The following CACNA1C variants were observed in gnomAD, a reference collection of about 807,000 sequenced individuals.
CACNA1C encodes the protein calcium voltage-gated channel subunit alpha1 C.
Under a neutral mutation model 229.0 loss-of-function variants are expected in CACNA1C, and 30 were observed. The observed-to-expected ratio is 0.13, with a 90% CI of 0.10 to 0.18. The LOEUF is 0.18. Among genes scored for constraint, CACNA1C ranks in the 10% least tolerant of loss-of-function variants. The probability of loss-of-function intolerance (pLI) is 1.00; values close to 1 mark genes in which losing one functional copy is unlikely to be tolerated. For missense variants in CACNA1C, 1,658 were observed against 2,845.0 expected, an observed-to-expected ratio of 0.58 and a Z score of 9.49; for synonymous variants, 1,114 against 1,132.5, an observed-to-expected ratio of 0.98 and a Z score of 0.33.
chr12:1,977,953 T>C (rs2034938369), intron 1 of CACNA1C, among the ~76,000 whole-genome samples: 1 of 152,228 alleles, frequency 6.6e-6, no homozygotes, highest in Non-Finnish European at 1.5e-5. Context: ...TTTTAAACTG[T>C]ATTGTTTTTA....
At chr12:2,474,971 A>G (rs542711406) in intron 5 of CACNA1C, among the ~76,000 whole-genome samples, 3 of 152,282 alleles carry the variant, frequency 2.0e-5, no homozygotes, top group African/African-American at 4.8e-5. Context: ...AACATCATCA[A>G]CATTTTCAAA....
intron 3 of CACNA1C, among the ~76,000 whole-genome samples, chr12:2,269,024 C>T (rs1601536261): frequency 6.6e-6 from 1 of 152,186 alleles, no homozygotes; most frequent in East Asian, 1.9e-4. Flanking sequence ...TGCCCACTGT[C>T]CTGCCCTGGC....
Position 2,191,727 on chromosome 12 carries a change from C to T in CACNA1C, c.477+71297C>T, listed in dbSNP as rs188845399. ...ACACATGGTCTCATACAGGCACACA[C>T]GTACACACAGGCACACACATGCACT... On this transcript the variant is annotated intron_variant, in intron 3 of 46. Transcript: ENST00000399655. 2.3e-3 allele frequency among the ~76,000 whole-genome samples: 344 copies of T among 151,724 alleles called. 2 individuals are homozygous for T. The highest frequency in any genetic ancestry group is 0.018 in the South Asian group (88 of 4,792).
intron 3 of CACNA1C, among the ~76,000 whole-genome samples, chr12:2,173,317 A>G (rs911432853): frequency 1.3e-5 from 2 of 152,240 alleles, no homozygotes; most frequent in African/African-American, 4.8e-5. Context: ...GTTTGTCACC[A>G]TAGGAAAGAA....
At chr12:2,043,741 C>T (rs557064727) in intron 1 of CACNA1C, among the ~76,000 whole-genome samples, 143 of 143,744 alleles carry the variant, frequency 9.9e-4, no homozygotes, top group African/African-American at 3.7e-3. Context: ...CTGCAAGCTC[C>T]GCTTCCCGGG....
intron 3 of CACNA1C, among the ~76,000 whole-genome samples, chr12:2,317,191 C>G (rs149969262): frequency 3.3e-5 from 5 of 152,314 alleles, no homozygotes; most frequent in African/African-American, 1.2e-4. Context: ...AGCAGGGCCT[C>G]AAAGAGATAT....
intron 3 of CACNA1C, among the ~76,000 whole-genome samples, chr12:2,194,702 C>G (rs2097350181): frequency 6.6e-6 from 1 of 152,098 alleles, no homozygotes; most frequent in African/African-American, 2.4e-5. Flanking sequence ...CTTGTTATCA[C>G]TTATGTTCCA....
intron 3 of CACNA1C, among the ~76,000 whole-genome samples, chr12:2,416,797 A>G (rs1435171766): frequency 6.6e-6 from 1 of 152,148 alleles, no homozygotes; most frequent in Admixed American, 6.5e-5. Flanking sequence ...TTTCATCACA[A>G]CCCTCTGAAA....
intron 29 of CACNA1C, among the ~76,000 whole-genome samples, chr12:2,627,014 A>G (rs1457693590): frequency 2.0e-5 from 3 of 152,200 alleles, no homozygotes; most frequent in Non-Finnish European, 4.4e-5. Context: ...TGTGCATTCT[A>G]AGGAGTGTGT....
chr12:2,390,879 G>A (rs115864702), intron 3 of CACNA1C, among the ~76,000 whole-genome samples: 1 of 152,210 alleles, frequency 6.6e-6, no homozygotes, highest in African/African-American at 2.4e-5. Context: ...CCTGTGGCAT[G>A]CTGGAGCTTA....
intron 9 of CACNA1C, among the ~76,000 whole-genome samples, chr12:2,535,515 G>C (rs946890320): frequency 1.3e-5 from 2 of 149,774 alleles, no homozygotes; most frequent in East Asian, 3.9e-4. Context: ...TCTGGGCAAT[G>C]TAGTGAAACC....
chr12:2,461,679 G>A (rs960129280), intron 5 of CACNA1C, among the ~76,000 whole-genome samples: 5 of 152,156 alleles, frequency 3.3e-5, no homozygotes, highest in African/African-American at 1.2e-4. Context: ...TTCTCAGCTT[G>A]GTAAATGCTA....
chr12:2,661,304 C>CACACAT (rs1555984172), intron 34 of CACNA1C, among the ~76,000 whole-genome samples: 23 of 150,834 alleles, frequency 1.5e-4, no homozygotes, highest in African/African-American at 5.1e-4. Flanking sequence ...CACACACACA[C>CACACAT]ACACACACAC....
At chr12:2,432,284 A>G (rs1318993452) in intron 3 of CACNA1C, among the ~76,000 whole-genome samples, 1 of 152,230 alleles carries the variant, frequency 6.6e-6, no homozygotes, top group Non-Finnish European at 1.5e-5. Context: ...GGCCAGGAGC[A>G]GTTATTGGGA....
At chr12:2,459,848 T>C (rs1449534254) in intron 5 of CACNA1C, among the ~76,000 whole-genome samples, 1 of 152,214 alleles carries the variant, frequency 6.6e-6, no homozygotes, top group African/African-American at 2.4e-5. Context: ...CTGTTATCTA[T>C]GTATTTATTA....
Position 2,410,366 on chromosome 12 carries a change from C to A in CACNA1C, c.478-38610C>A, listed in dbSNP as rs1219145093. 1.3e-5 allele frequency among the ~76,000 whole-genome samples: 2 copies of A among 152,212 alleles called. No homozygotes were observed. Among genetic ancestry groups the A allele is most frequent in the African/African-American group, 2.4e-5 (1 of 41,454 alleles). ...AGGCCCTTCGTGTCCCACCACCTCC[C>A]TTCTCTCTGGAATCACTGTGGCTCT... is the stretch of plus-strand genomic sequence containing the variant. On this transcript the variant is annotated intron_variant, in intron 3 of 46. Coordinates refer to ENST00000399655, the MANE Select transcript of CACNA1C (RefSeq NM_000719.7). The surrounding 1 kb of genome is among the most constrained non-coding windows in gnomAD (Gnocchi z 5.3).
At chr12:2,360,116 C>G (rs76552107) in intron 3 of CACNA1C, among the ~76,000 whole-genome samples, 9,478 of 149,424 alleles carry the variant, frequency 0.063, 418 homozygotes, top group African/African-American at 0.1. Flanking sequence ...GGAGGAAAGT[C>G]CAGGTGTCTG....
At chr12:2,364,313 G>A (rs987149990) in intron 3 of CACNA1C, among the ~76,000 whole-genome samples, 5 of 152,204 alleles carry the variant, frequency 3.3e-5, no homozygotes, top group African/African-American at 1.2e-4. Context: ...CTGAGAGTTG[G>A]TTTTCACTTT....
chr12:2,602,356 CCT>C lies in CACNA1C; in HGVS notation c.2960+404_2960+405del, dbSNP rs1205340607. 6.6e-6 allele frequency among the ~76,000 whole-genome samples: 1 copy of C among 152,090 alleles called. No homozygotes were observed. Among genetic ancestry groups the C allele is most frequent in the Non-Finnish European group, 1.5e-5 (1 of 68,004 alleles). ...GGACCCTCCTTCTCCCTTTCTCTCC[CCT>C]CTCTCTCCAGCCAAAGCACCTCATG... On this transcript the variant is annotated intron_variant, in intron 22 of 46. Coordinates refer to ENST00000399655, the MANE Select transcript of CACNA1C (RefSeq NM_000719.7). This position sits in a 1 kb window ranked among gnomAD's most constrained non-coding sequence, Gnocchi z 4.4.
Sources: gnomAD v4.1 joint callset for allele counts (sites outside exome capture counted in the v4.1 genomes callset) on GRCh38, gnomAD v4.1.1 for gene constraint, Gnocchi (gnomAD v3.1) non-coding constraint, MANE v1.5 for transcripts, NCBI Gene and HGNC (gene_info 2026-07-23, HGNC 2026-07-21) for gene names.